NTN1: variants seen among roughly 807,000 people sequenced by gnomAD.
NTN1 encodes netrin 1.
Under a neutral mutation model 54.2 loss-of-function variants are expected in NTN1, and 11 were observed. The observed-to-expected ratio is 0.20, with a 90% CI of 0.13 to 0.34. NTN1 has a LOEUF of 0.34. Ranked by LOEUF, NTN1 falls within the 10% of genes least tolerant of loss-of-function variation. NTN1 has a pLI of 1.00. For missense variants in NTN1, 740 were observed against 893.1 expected, an observed-to-expected ratio of 0.83 and a Z score of 2.18; for synonymous variants, 371 against 382.0, an observed-to-expected ratio of 0.97 and a Z score of 0.33.
intron 2 of NTN1, among the ~76,000 whole-genome samples, chr17:9,042,115 A>G (rs2091924056): frequency 6.6e-6 from 1 of 152,144 alleles, no homozygotes; most frequent in South Asian, 2.1e-4. Context: ...CCCACCAGCA[A>G]CATATGGGGA....
chr17:9,149,949 C>G (rs1280096988), intron 2 of NTN1, among the ~76,000 whole-genome samples: 1 of 152,100 alleles, frequency 6.6e-6, no homozygotes, highest in East Asian at 1.9e-4. Flanking sequence ...CACCTGCAAT[C>G]CCAGCACTTT....
Position 9,240,217 on chromosome 17 carries a change from A to G in NTN1, c.*249A>G, listed in dbSNP as rs1597557459. The G allele has an allele frequency of 6.4e-6, 1 of 156,328 alleles. No homozygotes were observed. Among genetic ancestry groups the G allele is most frequent in the Non-Finnish European group, 1.4e-5 (1 of 71,656 alleles). 9.7% of individuals were successfully genotyped at this position (156,328 alleles called of 1,614,324 possible). On this transcript the variant is annotated 3_prime_UTR_variant, in exon 7 of 7. Transcript: ENST00000173229. ...GCGCCGCCGGCCGGGCCCTGGAGAAATGACGAGACGTAGCTACCTCACGGG... is the reference window on the plus strand; with the variant it reads ...GCGCCGCCGGCCGGGCCCTGGAGAAGTGACGAGACGTAGCTACCTCACGGG...
At chr17:9,043,115 T>C (rs1257040563) in intron 2 of NTN1, among the ~76,000 whole-genome samples, 1 of 152,236 alleles carries the variant, frequency 6.6e-6, no homozygotes, top group East Asian at 1.9e-4. Flanking sequence ...CAGATTTTCA[T>C]TTTTCAAGCA....
At chr17:9,069,753 G>T (rs1207522459) in intron 2 of NTN1, among the ~76,000 whole-genome samples, 4 of 152,148 alleles carry the variant, frequency 2.6e-5, no homozygotes, top group Non-Finnish European at 5.9e-5. Flanking sequence ...GGGGCTTCCA[G>T]TTCCTCCTTA....
the NTN1 span, among the ~76,000 whole-genome samples, chr17:9,009,754 A>G: frequency 3.3e-5 from 5 of 152,112 alleles, no homozygotes; most frequent in Non-Finnish European, 5.9e-5. Flanking sequence ...ATTTCATGAA[A>G]AACATTTTTC....
chr17:9,046,793 AT>A (rs2091942749), intron 2 of NTN1, among the ~76,000 whole-genome samples: 1 of 152,116 alleles, frequency 6.6e-6, no homozygotes, highest in Non-Finnish European at 1.5e-5. Flanking sequence ...CTCCAAAAAA[AT>A]AAATAAATAA....
At chr17:9,222,472 T>C (rs920909610) in intron 6 of NTN1, among the ~76,000 whole-genome samples, 2 of 152,130 alleles carry the variant, frequency 1.3e-5, no homozygotes, top group African/African-American at 4.8e-5. Flanking sequence ...AGTTTCCTTA[T>C]ATGTAAGATG....
At chr17:9,060,596 A>G (rs2091994028) in intron 2 of NTN1, among the ~76,000 whole-genome samples, 1 of 152,170 alleles carries the variant, frequency 6.6e-6, no homozygotes, top group Non-Finnish European at 1.5e-5. Context: ...TGGTTTTAAC[A>G]TTGGGCTTCA....
At chr17:9,179,710 C>A in intron 3 of NTN1, 97 bp from the exon 4 acceptor site, 1 of 1,428,912 alleles carries the variant, frequency 7.0e-7, no homozygotes. Flanking sequence ...TCCTCCAGGG[C>A]AGGGTCCATG....
intron 3 of NTN1, among the ~76,000 whole-genome samples, chr17:9,163,304 C>A (rs1275499343): frequency 6.6e-6 from 1 of 152,052 alleles, no homozygotes; most frequent in African/African-American, 2.4e-5. Context: ...GCCGCCAACA[C>A]CTCTCCCTCC....
intron 2 of NTN1, among the ~76,000 whole-genome samples, chr17:9,095,232 G>A (rs2092127132): frequency 6.6e-6 from 1 of 152,164 alleles, no homozygotes; most frequent in Non-Finnish European, 1.5e-5. Flanking sequence ...GTTTCCCCAA[G>A]TTTGTCCCTT....
At chr17:9,013,216 CT>C in the NTN1 span, among the ~76,000 whole-genome samples, 40,264 of 118,132 alleles carry the variant, frequency 0.34, 4,629 homozygotes, top group Middle Eastern at 0.43. Context: ...TTTTCTTTTT[CT>C]TTTTTTTTTT....
At chr17:9,223,309 T>G (rs988854015) in intron 6 of NTN1, among the ~76,000 whole-genome samples, 2 of 152,158 alleles carry the variant, frequency 1.3e-5, no homozygotes, top group Non-Finnish European at 2.9e-5. Context: ...CCCAGCACTT[T>G]GGGAGGCCAA....
At chr17:9,158,698 T>A (rs1163024244) in intron 2 of NTN1, among the ~76,000 whole-genome samples, 1 of 152,206 alleles carries the variant, frequency 6.6e-6, no homozygotes, top group Non-Finnish European at 1.5e-5. Context: ...CAGGCCCCTG[T>A]CACCCTTGTC....
rs145028731 is a variant in NTN1 at position 9,147,271 on chromosome 17, C to T, written c.1019-15542C>T. On this transcript the variant is annotated intron_variant, in intron 2 of 6. Coordinates refer to ENST00000173229, the MANE Select transcript of NTN1 (RefSeq NM_004822.3). ...ATATTAACAAGGCCATTTGGGAGGC[C>T]GAGGTGGGCAGATCACGAGGTCAGG... is the stretch of plus-strand genomic sequence containing the variant. 3.5e-4 allele frequency among the ~76,000 whole-genome samples: 54 copies of T among 152,286 alleles called. 2 individuals carry two copies. In the South Asian group the frequency reaches 6.2e-3, roughly 18 times the overall value.
chr17:9,101,938 G>A (rs1408538898), intron 2 of NTN1, among the ~76,000 whole-genome samples: 5 of 152,218 alleles, frequency 3.3e-5, no homozygotes, highest in Admixed American at 6.5e-5. Flanking sequence ...GCTGCAGTGA[G>A]CTATGATTGC....
intron 2 of NTN1, among the ~76,000 whole-genome samples, chr17:9,113,035 T>A (rs555197886): frequency 3.6e-4 from 53 of 148,070 alleles, no homozygotes; most frequent in South Asian, 6.4e-4. Flanking sequence ...TTTATTTTTA[T>A]TTTTTTGAGA....
chr17:9,040,450 A>C (rs2091917881), intron 2 of NTN1, among the ~76,000 whole-genome samples: 1 of 152,110 alleles, frequency 6.6e-6, no homozygotes, highest in Non-Finnish European at 1.5e-5. Flanking sequence ...CTATATATAC[A>C]TTTTTATGTA....
rs718097 is a variant in NTN1, at chr17:9,212,088, G to A, written c.1412-9080G>A. On this transcript the variant is annotated intron_variant, in intron 5 of 6. Transcript: ENST00000173229. This position sits in a 1 kb window ranked among gnomAD's most constrained non-coding sequence, Gnocchi z 5.5. ...AAATGAGCATTTTGCTTTTGAGGCAGGTAGGGCTTGAGGGTGATGGATTGG... is the reference window on the plus strand; with the variant it reads ...AAATGAGCATTTTGCTTTTGAGGCAAGTAGGGCTTGAGGGTGATGGATTGG... 0.53 allele frequency among the ~76,000 whole-genome samples: 80,201 copies of A among 152,056 alleles called. 22,104 individuals are homozygous for A. The highest frequency in any genetic ancestry group is 0.68 in the African/African-American group (28,368 of 41,470).
Sources: allele counts gnomAD v4.1 joint callset (sites outside exome capture counted in the v4.1 genomes callset), GRCh38; gene constraint gnomAD v4.1.1; non-coding constraint Gnocchi (gnomAD v3.1); transcripts MANE v1.5; gene names NCBI Gene and HGNC (gene_info 2026-07-23, HGNC 2026-07-21).